Variants in RPL23 observed in about 807,000 individuals in gnomAD.
The protein encoded by RPL23 is large ribosomal subunit protein uL14.
For missense variants in RPL23, 79 were observed against 178.8 expected (o/e 0.44, Z 3.18); for synonymous variants, 63 against 65.3 (o/e 0.97, Z 0.17).
At position 38,849,759 on chromosome 17, in the gene RPL23, A is replaced by G. The variant is rs1237740468; in HGVS notation, c.*373T>C. 1 of 169,676 alleles carries G rather than the reference A, an allele frequency of 5.9e-6. No individual in the cohort carries two copies. Among genetic ancestry groups the G allele is most frequent in the Non-Finnish European group, 1.3e-5 (1 of 79,738 alleles). The allele number at this position is 169,676 out of a possible 1,614,324, so 10.5% of individuals were successfully genotyped here. ...TTTTTGAGGCCAAAATTGTAAATAC[A>G]GCAATTGGAAGATGCTGAAAGTCTG... On this transcript the variant is annotated 3_prime_UTR_variant, in exon 5 of 5. Coordinates refer to ENST00000479035, the MANE Select transcript of RPL23 (RefSeq NM_000978.4).
At chr17:38,850,263 G>C in intron 4 of RPL23, 49 bp from the exon 5 acceptor site, 1 of 1,556,128 alleles carries the variant, frequency 6.4e-7, no homozygotes, top group Non-Finnish European at 8.8e-7. Context: ...GTGGGGGACA[G>C]ATTAAGACAT....
rs573722119 is a variant in RPL23 at position 38,853,419 on chromosome 17, C to A, written c.13+279G>T. 1.4e-4 allele frequency: 102 copies of A among 715,556 alleles called. 3 individuals carry two copies. The East Asian group carries it at 2.1e-3, about 15-fold the overall frequency. 44.3% of individuals were successfully genotyped at this position (715,556 alleles called of 1,614,324 possible). A position where few individuals can be genotyped will look rare whatever the true frequency, so the allele number is the denominator to read the frequency against. On this transcript the variant is annotated intron_variant, in intron 1 of 4. Coordinates refer to ENST00000479035, the MANE Select transcript of RPL23 (RefSeq NM_000978.4). The stretch of plus-strand genomic sequence containing the variant: ...ACCGCAGAGGTCGCGCAAACCAGGG[C>A]CTAATCCAGTCTAACTTCAACCCCA...
intron 1 of RPL23, chr17:38,853,338 C>G: frequency 1.5e-6 from 1 of 674,704 alleles, no homozygotes; most frequent in African/African-American, 1.8e-5. Flanking sequence ...GAAACCTAGA[C>G]GACTCAACCC....
chr17:38,850,526 C>T (rs926418240), intron 3 of RPL23, 51 bp from the exon 4 acceptor site: 2 of 1,286,862 alleles, frequency 1.6e-6, no homozygotes, highest in Admixed American at 1.7e-5. Context: ...GTCGCAGTGC[C>T]ACCACAAAAG....
At chr17:38,852,824 C>G (rs1913041576) in intron 2 of RPL23, 92 bp from the exon 3 acceptor site, 1 of 1,574,526 alleles carries the variant, frequency 6.4e-7, no homozygotes. Context: ...CAAAGCCCCT[C>G]CCTCCACTCA....
intron 3 of RPL23, chr17:38,851,247 T>C (rs890996423): frequency 6.6e-6 from 1 of 152,152 alleles, no homozygotes; most frequent in African/African-American, 2.4e-5. Context: ...ACAGGAAGAC[T>C]ACACAAAAAA....
intron 1 of RPL23, 200 bp from the exon 2 acceptor site, chr17:38,853,305 T>C (rs1190704530): frequency 2.9e-5 from 19 of 656,168 alleles, no homozygotes; most frequent in Middle Eastern, 4.9e-4. Context: ...TTCTTACTAT[T>C]AACACTCTGA....
intron 1 of RPL23, 54 bp from the exon 2 acceptor site, chr17:38,853,159 GT>G: frequency 7.3e-7 from 1 of 1,376,764 alleles, no homozygotes; most frequent in Non-Finnish European, 1.0e-6. Flanking sequence ...TCTAGACATG[GT>G]TCGGAGTTCC....
rs200640604 is a variant in RPL23, at chr17:38,850,091, G to A, written c.*41C>T. The A allele has an allele frequency of 6.0e-6, 8 of 1,343,740 alleles. No individual in the cohort carries two copies. In the African/African-American group the frequency reaches 1.4e-4, roughly 24 times the overall value. The allele number at this position is 1,343,740 out of a possible 1,614,324, so 83.2% of individuals were successfully genotyped here. A position where few individuals can be genotyped will look rare whatever the true frequency, so the allele number is the denominator to read the frequency against. On this transcript the variant is annotated 3_prime_UTR_variant, in exon 5 of 5. Transcript: ENST00000479035. ...ACTGCAAACAAATACTTTTTAATGG[G>A]TTTAGTTTTTTTTTTTATTTTTTAC...
chr17:38,852,547 A>C, intron 3 of RPL23, 57 bp downstream of exon 3: 3 of 1,588,012 alleles, frequency 1.9e-6, no homozygotes, highest in Non-Finnish European at 2.6e-6. Flanking sequence ...TTTTCCAATA[A>C]AGGAAAGCGT....
chr17:38,852,176 G>A (rs1913020249), intron 3 of RPL23: 1 of 181,124 alleles, frequency 5.5e-6, no homozygotes, highest in South Asian at 1.0e-4. Context: ...GAACAGATAT[G>A]TGCCACTGCA....
At chr17:38,850,563 C>T in intron 3 of RPL23, 88 bp from the exon 4 acceptor site, 1 of 836,600 alleles carries the variant, frequency 1.2e-6, no homozygotes, top group Non-Finnish European at 2.1e-6. Flanking sequence ...AGAATGTACA[C>T]TCAGCGTTTG....
rs935504572 is a variant in RPL23, at chr17:38,849,151, T to C, written c.*981A>G. 2.6e-4 allele frequency: 39 copies of C among 152,210 alleles called. No homozygotes were observed. The highest frequency in any genetic ancestry group is 9.4e-4 in the African/African-American group (39 of 41,456). 9.4% of individuals were successfully genotyped at this position (152,210 alleles called of 1,614,324 possible). A position where few individuals can be genotyped will look rare whatever the true frequency, so the allele number is the denominator to read the frequency against. On this transcript the variant is annotated 3_prime_UTR_variant, in exon 5 of 5. Coordinates refer to ENST00000479035, the MANE Select transcript of RPL23 (RefSeq NM_000978.4). ...AAACATTTTCATAGCAAAATACCTG[T>C]AGGTACCATCAACTTAATCATCTTC...
Position 38,850,283 on chromosome 17 carries a change from C to T in RPL23, c.341-69G>A, listed in dbSNP as rs113802506. 6.3e-5 allele frequency: 97 copies of T among 1,551,240 alleles called. 1 individual carries two copies. The African/African-American group carries it at 1.2e-3, about 19-fold the overall frequency. ...GGACAGATTAAGACATCGTCAAACA[C>T]AGAAGATCCTTGGCCTGTACTTCTA... On this transcript the variant is annotated intron_variant, in intron 4 of 4. Transcript: ENST00000479035.
At chr17:38,852,790 AG>A in intron 2 of RPL23, 58 bp from the exon 3 acceptor site, 1 of 1,611,844 alleles carries the variant, frequency 6.2e-7, no homozygotes, top group Non-Finnish European at 8.5e-7. Flanking sequence ...CCGTTCCATC[AG>A]TATAACATTT....
chr17:38,853,348 C>G (rs1598093826), intron 1 of RPL23: 1 of 690,900 alleles, frequency 1.4e-6, no homozygotes, highest in East Asian at 2.7e-5. Context: ...CGACTCAACC[C>G]TTGCTCTAAC....
chr17:38,853,083 C>A lies in RPL23; in HGVS notation c.36G>T (p.Ala12=). 1 of 1,614,086 alleles carries A rather than the reference C, an allele frequency of 6.2e-7. No individual in the cohort carries two copies. The highest frequency in any genetic ancestry group is 8.5e-7 in the Non-Finnish European group (1 of 1,179,978). The part of the protein sequence containing the change: ...SKRGRGGSSG[A]KFRISLGLPV... ...GAAGACCCAAGGAAATCCGGAATTT[C>A]GCACCAGAGGACCCACCACGTCCTG... Residue 12 remains alanine, a synonymous_variant, in exon 2 of 5, where the codon GCG becomes GCT. Coordinates refer to ENST00000479035, the MANE Select transcript of RPL23 (RefSeq NM_000978.4).
At chr17:38,853,614 A>T (rs1913070776) in intron 1 of RPL23, 84 bp downstream of exon 1, 1 of 1,563,650 alleles carries the variant, frequency 6.4e-7, no homozygotes, top group Non-Finnish European at 8.8e-7. Flanking sequence ...AAAGCGCCCC[A>T]GCTGCCTAGG....
intron 3 of RPL23, 41 bp from the exon 4 acceptor site, chr17:38,850,516 G>A: frequency 1.4e-6 from 2 of 1,383,642 alleles, no homozygotes; most frequent in Non-Finnish European, 2.1e-6. Context: ...AACCTGTCAA[G>A]TCGCAGTGCC....
Sources: allele counts gnomAD v4.1 joint callset, GRCh38; gene constraint gnomAD v4.1.1; transcripts MANE v1.5; gene names NCBI Gene and HGNC (gene_info 2026-07-23, HGNC 2026-07-21).